Variants in SCAND3 observed in about 807,000 individuals in gnomAD.
SCAND3 encodes SCAN domain-containing protein 3.
chr6:28,591,997 T>C, the SCAND3 span, among the ~76,000 whole-genome samples: 1 of 152,142 alleles, frequency 6.6e-6, no homozygotes, highest in Non-Finnish European at 1.5e-5. Flanking sequence ...AAATGAAGGA[T>C]AAAAACCATG....
the SCAND3 span, among the ~76,000 whole-genome samples, chr6:28,608,279 G>C: frequency 1.2e-3 from 180 of 152,296 alleles, 1 homozygote; most frequent in Non-Finnish European, 2.0e-3. Context: ...TTAGATCTAA[G>C]TTATTGTATT....
chr6:28,576,607 G>T, the SCAND3 span, among the ~76,000 whole-genome samples: 2 of 152,170 alleles, frequency 1.3e-5, no homozygotes, highest in Non-Finnish European at 2.9e-5. Flanking sequence ...TTGGTGGAAT[G>T]AAGAGCGTAA....
At chr6:28,601,130 C>T in the SCAND3 span, among the ~76,000 whole-genome samples, 3 of 152,140 alleles carry the variant, frequency 2.0e-5, no homozygotes, top group South Asian at 2.1e-4. Flanking sequence ...TGGTCTCGAT[C>T]TCCTGACCTC....
At chr6:28,594,083 G>A in the SCAND3 span, 1 of 152,182 alleles carries the variant, frequency 6.6e-6, no homozygotes, top group Admixed American at 6.5e-5. Context: ...AAAGATGAAA[G>A]ATGGTAACAA....
At chr6:28,592,551 T>C in the SCAND3 span, among the ~76,000 whole-genome samples, 1 of 152,192 alleles carries the variant, frequency 6.6e-6, no homozygotes. The surrounding 1 kb of genome is among the most constrained non-coding windows in gnomAD (Gnocchi z 4.1). Context: ...TCCAATGTCA[T>C]ATTTTACATG....
the SCAND3 span, among the ~76,000 whole-genome samples, chr6:28,584,858 T>C: frequency 6.6e-6 from 1 of 152,204 alleles, no homozygotes. Context: ...TTGAAGATAC[T>C]AAACCAGCCA....
At chr6:28,590,353 G>A in the SCAND3 span, 1 of 152,278 alleles carries the variant, frequency 6.6e-6, no homozygotes, top group Non-Finnish European at 1.5e-5. Context: ...CAGTCCCTTG[G>A]AGCTGAAGGT....
chr6:28,616,076 T>C, the SCAND3 span: 2 of 152,198 alleles, frequency 1.3e-5, no homozygotes, highest in Non-Finnish European at 2.9e-5. The surrounding 1 kb of genome is among the most constrained non-coding windows in gnomAD (Gnocchi z 4.3). Flanking sequence ...CAAAGCGTGG[T>C]GGGCATCTCC....
At chr6:28,591,627 G>A in the SCAND3 span, 1 of 152,010 alleles carries the variant, frequency 6.6e-6, no homozygotes, top group Non-Finnish European at 1.5e-5. Flanking sequence ...CTATCAAATG[G>A]TTGTCTTACC....
chr6:28,572,288 T>C, the SCAND3 span: 1 of 1,607,370 alleles, frequency 6.2e-7, no homozygotes, highest in Non-Finnish European at 8.5e-7. The surrounding 1 kb of genome is among the most constrained non-coding windows in gnomAD (Gnocchi z 4.1). Flanking sequence ...AAATTTCCTA[T>C]GCGTGGATCT....
chr6:28,605,831 C>T, the SCAND3 span, among the ~76,000 whole-genome samples: 1 of 151,516 alleles, frequency 6.6e-6, no homozygotes, highest in African/African-American at 2.4e-5. Flanking sequence ...GGCAACAGGG[C>T]GAGACTCTGT....
At chr6:28,597,813 T>C in the SCAND3 span, 2 of 152,192 alleles carry the variant, frequency 1.3e-5, no homozygotes, top group Non-Finnish European at 2.9e-5. Context: ...ATTCCTGTTT[T>C]CTGGGAGGTG....
the SCAND3 span, among the ~76,000 whole-genome samples, chr6:28,588,876 G>C: frequency 1.3e-5 from 2 of 152,130 alleles, no homozygotes. The surrounding 1 kb of genome is among the most constrained non-coding windows in gnomAD (Gnocchi z 4.1). Context: ...CGTGAGTCTC[G>C]CTAAAGTGTG....
chr6:28,586,320 T>A, the SCAND3 span: 1 of 1,608,878 alleles, frequency 6.2e-7, no homozygotes, highest in African/African-American at 1.3e-5. This position sits in a 1 kb window ranked among gnomAD's most constrained non-coding sequence, Gnocchi z 4.4. Flanking sequence ...TTCATCAAGC[T>A]CCCTCTCCAA....
At chr6:28,579,310 T>C in the SCAND3 span, 1 of 1,613,914 alleles carries the variant, frequency 6.2e-7, no homozygotes, top group Non-Finnish European at 8.5e-7. This position sits in a 1 kb window ranked among gnomAD's most constrained non-coding sequence, Gnocchi z 4.5. Flanking sequence ...AGATTCACAT[T>C]CCATTCTATC....
the SCAND3 span, chr6:28,575,119 A>C: frequency 6.2e-7 from 1 of 1,614,170 alleles, no homozygotes; most frequent in Non-Finnish European, 8.5e-7. The surrounding 1 kb of genome is among the most constrained non-coding windows in gnomAD (Gnocchi z 4.2). Flanking sequence ...GGACAAGCCC[A>C]GTTTAGCTTC....
At chr6:28,575,624 T>C in the SCAND3 span, 2 of 1,614,172 alleles carry the variant, frequency 1.2e-6, no homozygotes, top group East Asian at 2.2e-5. The surrounding 1 kb of genome is among the most constrained non-coding windows in gnomAD (Gnocchi z 4.2). Flanking sequence ...GTTAGAACCT[T>C]CTTGAGTTTT....
chr6:28,595,786 C>A, the SCAND3 span, among the ~76,000 whole-genome samples: 1 of 152,060 alleles, frequency 6.6e-6, no homozygotes, highest in Non-Finnish European at 1.5e-5. Flanking sequence ...ATACTTCAGC[C>A]ATGTACAAGC....
At chr6:28,574,163 G>T in the SCAND3 span, among the ~76,000 whole-genome samples, 1 of 152,050 alleles carries the variant, frequency 6.6e-6, no homozygotes, top group East Asian at 1.9e-4. Context: ...TCATGTGCTT[G>T]GATGTTGCAG....
Sources: allele counts gnomAD v4.1 joint callset (sites outside exome capture counted in the v4.1 genomes callset), GRCh38; gene constraint gnomAD v4.1.1; non-coding constraint Gnocchi (gnomAD v3.1); transcripts MANE v1.5; gene names NCBI Gene and HGNC (gene_info 2026-07-23, HGNC 2026-07-21).